GAS2: variants seen among roughly 807,000 people sequenced by gnomAD.
GAS2 encodes growth arrest-specific protein 2.
GAS2 carries 20 observed loss-of-function variants against 37.5 expected under a neutral mutation model. That is an observed-to-expected ratio of 0.53 (90% CI 0.37 to 0.77). GAS2 has a LOEUF of 0.77. GAS2 is among the 30% of genes least tolerant of loss of function. GAS2 has a pLI of 0.00. For missense variants in GAS2, 336 were observed against 373.4 expected, an observed-to-expected ratio of 0.90 and a Z score of 0.82; for synonymous variants, 144 against 132.2, an observed-to-expected ratio of 1.09 and a Z score of -0.61.
chr11:22,635,334 CCAGGG>C (rs2133809534), intron 1 of GAS2, among the ~76,000 whole-genome samples: 1 of 152,288 alleles, frequency 6.6e-6, no homozygotes, highest in East Asian at 1.9e-4. Flanking sequence ...AGGGAACATT[CCAGGG>C]AGGAGCACAG....
At chr11:22,690,930 C>T (rs942281505) in intron 3 of GAS2, among the ~76,000 whole-genome samples, 3 of 152,146 alleles carry the variant, frequency 2.0e-5, no homozygotes, top group East Asian at 1.9e-4. Flanking sequence ...CTCTCAACCA[C>T]GGGGCATCAG....
chr11:22,658,758 G>T (rs1003336385), intron 1 of GAS2, among the ~76,000 whole-genome samples: 2 of 152,162 alleles, frequency 1.3e-5, no homozygotes, highest in African/African-American at 4.8e-5. Context: ...GAAGAAAAGA[G>T]AAAAGAATAA....
chr11:22,646,663 T>C (rs890972345), intron 1 of GAS2, among the ~76,000 whole-genome samples: 31 of 152,230 alleles, frequency 2.0e-4, no homozygotes, highest in Non-Finnish European at 3.1e-4. Flanking sequence ...GAGAGCCATA[T>C]GACATTTGCC....
At chr11:22,716,070 A>G (rs1194210798) in intron 3 of GAS2, among the ~76,000 whole-genome samples, 1 of 151,754 alleles carries the variant, frequency 6.6e-6, no homozygotes. Flanking sequence ...CACCACATAA[A>G]CAGAAGTAAA....
At chr11:22,711,776 C>G (rs1439832354) in intron 3 of GAS2, among the ~76,000 whole-genome samples, 1 of 152,136 alleles carries the variant, frequency 6.6e-6, no homozygotes, top group Non-Finnish European at 1.5e-5. Context: ...GCAGAGGCAG[C>G]CATAATCTCC....
intron 1 of GAS2, among the ~76,000 whole-genome samples, chr11:22,635,813 T>C (rs1469840301): frequency 1.3e-5 from 2 of 152,268 alleles, no homozygotes; most frequent in Non-Finnish European, 2.9e-5. Flanking sequence ...ATGCAAAGCA[T>C]GTGCTGATGC....
At chr11:22,781,922 CACCAGAT>C (rs1446542890) in intron 7 of GAS2, among the ~76,000 whole-genome samples, 4 of 152,082 alleles carry the variant, frequency 2.6e-5, no homozygotes, top group Non-Finnish European at 5.9e-5. Flanking sequence ...TGCATGGACT[CACCAGAT>C]ACCATGCTTT....
In GAS2 at chr11:22,685,734, C is replaced by T. The variant is rs1375035108; in HGVS notation, c.212C>T (p.Ala71Val). ...AATGGTGCCTTGCTCTGTCAACTTG[C>T]AGAAACTATGCAGGAGAAATTCAAG... Reference protein sequence around the residue: ...LDNGALLCQLAETMQEKFKES... With the variant: ...LDNGALLCQLVETMQEKFKES... The change falls in exon 3 of 8, where the codon GCA becomes GTA. Residue 71 changes from alanine (A) to valine (V), a missense_variant. Coordinates refer to ENST00000454584, the MANE Select transcript of GAS2 (RefSeq NM_001143830.3). 3 of 1,613,510 alleles carry T rather than the reference C, an allele frequency of 1.9e-6. No individual in the cohort carries two copies. The Admixed American group carries it at 5.0e-5, about 27-fold the overall frequency.
chr11:22,701,813 A>C (rs1850858450), intron 3 of GAS2, among the ~76,000 whole-genome samples: 2 of 152,198 alleles, frequency 1.3e-5, no homozygotes, highest in Non-Finnish European at 2.9e-5. Flanking sequence ...TGGACAATGG[A>C]GTGAGACTCT....
At chr11:22,675,071 C>T in intron 2 of GAS2, 57 bp downstream of exon 2, 3 of 1,561,988 alleles carry the variant, frequency 1.9e-6, no homozygotes, top group East Asian at 4.5e-5. Flanking sequence ...TTTTATTTTT[C>T]CTCCTGTAGT....
In GAS2 at chr11:22,647,667, T is replaced by C. The variant is rs1173332048; in HGVS notation, c.-21+21854T>C. ...GTGGTTTTGATTTGCATTTCTCTGA[T>C]GGCCAGTGATGATGAGCATTTTTTC... On this transcript the variant is annotated intron_variant, in intron 1 of 5. Transcript: ENST00000528582. Among the ~76,000 whole-genome samples, 17 of 152,366 alleles carry C rather than the reference T, an allele frequency of 1.1e-4. No individual in the cohort carries two copies. The South Asian group carries it at 3.3e-3, about 30-fold the overall frequency.
intron 1 of GAS2, among the ~76,000 whole-genome samples, chr11:22,639,527 G>A (rs943961155): frequency 2.0e-5 from 3 of 152,036 alleles, no homozygotes; most frequent in African/African-American, 4.8e-5. Flanking sequence ...GTAAAATCAC[G>A]ATTTCTTCAT....
At chr11:22,691,263 G>T (rs1484936223) in intron 3 of GAS2, among the ~76,000 whole-genome samples, 1 of 152,172 alleles carries the variant, frequency 6.6e-6, no homozygotes, top group Non-Finnish European at 1.5e-5. Context: ...CAATACATTT[G>T]CCCATCAGGA....
chr11:22,656,075 C>T (rs1284669096), intron 1 of GAS2, among the ~76,000 whole-genome samples: 2 of 152,140 alleles, frequency 1.3e-5, no homozygotes, highest in East Asian at 3.8e-4. Context: ...CAAATTTATT[C>T]ATGAACAAAG....
chr11:22,735,747 A>G (rs1339841370), intron 4 of GAS2, among the ~76,000 whole-genome samples: 1 of 151,844 alleles, frequency 6.6e-6, no homozygotes, highest in Non-Finnish European at 1.5e-5. Context: ...ATTATCAGGT[A>G]TTATCTTTTA....
chr11:22,698,003 G>A (rs1397785847), intron 3 of GAS2, among the ~76,000 whole-genome samples: 4 of 152,252 alleles, frequency 2.6e-5, no homozygotes, highest in East Asian at 1.9e-4. Flanking sequence ...TGGTGAGAGA[G>A]GGCATCCCTG....
At chr11:22,641,326 A>ATATATATT (rs1390609458) in intron 1 of GAS2, among the ~76,000 whole-genome samples, 77 of 82,028 alleles carry the variant, frequency 9.4e-4, no homozygotes, top group South Asian at 2.6e-3. Flanking sequence ...ATATATCTTT[A>ATATATATT]TATATATATT....
upstream of GAS2, among the ~76,000 whole-genome samples, chr11:22,663,748 C>T (rs1488720984): frequency 6.6e-6 from 1 of 152,050 alleles, no homozygotes. Context: ...AAAGTAATAG[C>T]ATTTATCGTT....
chr11:22,682,186 AT>A (rs1452345528), intron 2 of GAS2, among the ~76,000 whole-genome samples: 1 of 152,104 alleles, frequency 6.6e-6, no homozygotes, highest in Non-Finnish European at 1.5e-5. Flanking sequence ...TCAATGTAAA[AT>A]TCTTTTTACA....
Sources: allele counts gnomAD v4.1 joint callset (sites outside exome capture counted in the v4.1 genomes callset), GRCh38; gene constraint gnomAD v4.1.1; transcripts MANE v1.5; gene names NCBI Gene and HGNC (gene_info 2026-07-23, HGNC 2026-07-21).